MMP16: variants seen among roughly 807,000 people sequenced by gnomAD.
The protein encoded by MMP16 is matrix metalloproteinase-16.
MMP16 carries 12 observed loss-of-function variants against 67.8 expected under a neutral mutation model. The observed-to-expected ratio is 0.18, with a 90% CI of 0.11 to 0.29. The LOEUF is 0.29. Among genes scored for constraint, MMP16 ranks in the 10% least tolerant of loss-of-function variants. The pLI, the probability that MMP16 is intolerant of heterozygous loss-of-function variation, is 1.00. For synonymous variants in MMP16, 249 were observed against 255.9 expected (o/e 0.97, Z 0.26); for missense variants, 475 against 765.7 (o/e 0.62, Z 4.48).
Position 88,058,821 on chromosome 8 carries a change from T to C in MMP16, c.1223-2543A>G, listed in dbSNP as rs1184892111. On this transcript the variant is annotated intron_variant, in intron 7 of 9. Transcript: ENST00000286614. This position sits in a 1 kb window ranked among gnomAD's most constrained non-coding sequence, Gnocchi z 4.2. Reference sequence around the variant, plus strand: ...ACTTTATTCTAAATGAAATAGGAAGTCATTGAACAGTTAAATCAAAAAGTT... The same window carrying C: ...ACTTTATTCTAAATGAAATAGGAAGCCATTGAACAGTTAAATCAAAAAGTT... Among the ~76,000 whole-genome samples, 2 of 152,108 alleles carry C rather than the reference T, an allele frequency of 1.3e-5. No individual in the cohort carries two copies. Among genetic ancestry groups the C allele is most frequent in the African/African-American group, 4.8e-5 (2 of 41,450 alleles).
chr8:88,307,388 GTCC>G (rs1412822284), intron 1 of MMP16, among the ~76,000 whole-genome samples: 2 of 151,870 alleles, frequency 1.3e-5, no homozygotes. Context: ...AACAAATTTT[GTCC>G]TCCTATCATT....
At chr8:88,275,341 T>C (rs2129981565) in intron 1 of MMP16, among the ~76,000 whole-genome samples, 1 of 152,116 alleles carries the variant, frequency 6.6e-6, no homozygotes, top group Middle Eastern at 3.4e-3. Context: ...GGAATAAGCA[T>C]AAACAGTTAT....
intron 6 of MMP16, among the ~76,000 whole-genome samples, chr8:88,084,829 A>G (rs545073029): frequency 2.6e-4 from 40 of 152,124 alleles, no homozygotes; most frequent in African/African-American, 9.4e-4. Context: ...TTATTATGGA[A>G]TCTTTGTAAA....
At chr8:88,065,862 C>T (rs1432596083) in intron 7 of MMP16, among the ~76,000 whole-genome samples, 2 of 152,090 alleles carry the variant, frequency 1.3e-5, no homozygotes, top group Non-Finnish European at 2.9e-5. Context: ...CATTTCTTAA[C>T]AAACAGTTCT....
In MMP16 at chr8:88,056,240, G is replaced by C; in HGVS notation, c.1261C>G (p.Pro421Ala). The C allele has an allele frequency of 6.3e-7, 1 of 1,594,622 alleles. No homozygotes were observed. The highest frequency in any genetic ancestry group is 1.1e-5 in the South Asian group (1 of 88,382). ...YWVFKDTTLQ[P>A]GYPHDLITLG... ...GTTATCAAGTCATGAGGGTAACCAGGTTGAAGAGTTGTATCCTTGAACACC... is the reference window on the plus strand; with the variant it reads ...GTTATCAAGTCATGAGGGTAACCAGCTTGAAGAGTTGTATCCTTGAACACC... Residue 421 changes from proline (P) to alanine (A), a missense_variant, in exon 8 of 10, where the codon CCT (proline) becomes GCT (alanine). By Grantham distance (27) the Pro-to-Ala change is conservative. Around this residue, in one of 5 missense-constraint regions of MMP16, gnomAD observed 195 missense variants for 300.9 expected, o/e 0.65. Coordinates refer to ENST00000286614, the MANE Select transcript of MMP16 (RefSeq NM_005941.5).
intron 4 of MMP16, among the ~76,000 whole-genome samples, chr8:88,159,752 G>A (rs1237729375): frequency 6.6e-6 from 1 of 152,116 alleles, no homozygotes; most frequent in Admixed American, 6.6e-5. Context: ...CATTCAGTAT[G>A]AGGTTGGCTG....
intron 1 of MMP16, among the ~76,000 whole-genome samples, chr8:88,242,211 T>C (rs929339136): frequency 5.3e-5 from 8 of 152,222 alleles, no homozygotes; most frequent in Non-Finnish European, 1.2e-4. Flanking sequence ...CCTCCCTTAA[T>C]GGAGACGGGA....
intron 1 of MMP16, among the ~76,000 whole-genome samples, chr8:88,210,876 A>C (rs191898268): frequency 6.6e-6 from 1 of 152,302 alleles, no homozygotes; most frequent in Non-Finnish European, 1.5e-5. Flanking sequence ...CAAGAGCTTA[A>C]CATTTATTAA....
intron 1 of MMP16, among the ~76,000 whole-genome samples, chr8:88,248,123 C>G (rs1810148977): frequency 6.6e-6 from 1 of 151,988 alleles, no homozygotes; most frequent in African/African-American, 2.4e-5. Context: ...CATTAGCTGA[C>G]AGTCTGTCAT....
At chr8:88,096,108 A>C (rs1236849013) in intron 6 of MMP16, among the ~76,000 whole-genome samples, 1 of 151,942 alleles carries the variant, frequency 6.6e-6, no homozygotes, top group African/African-American at 2.4e-5. Flanking sequence ...TGAAAGAAGA[A>C]CGTTGTTTAT....
chr8:88,095,768 A>C (rs1586148695), intron 6 of MMP16, among the ~76,000 whole-genome samples: 1 of 151,986 alleles, frequency 6.6e-6, no homozygotes, highest in Admixed American at 6.6e-5. Context: ...AACCTCATCA[A>C]GTTATTTGCT....
At chr8:88,136,334 G>T (rs16878865) in intron 4 of MMP16, among the ~76,000 whole-genome samples, 10,597 of 151,832 alleles carry the variant, frequency 0.07, 398 homozygotes, top group East Asian at 0.16. Flanking sequence ...GCCATATTGT[G>T]TGGGTTCCCA....
intron 1 of MMP16, among the ~76,000 whole-genome samples, chr8:88,200,296 A>G (rs1362740035): frequency 1.3e-5 from 2 of 152,030 alleles, no homozygotes; most frequent in Admixed American, 1.3e-4. Flanking sequence ...TTTTGTGCTC[A>G]CTAGATTGAG....
intron 6 of MMP16, among the ~76,000 whole-genome samples, chr8:88,087,338 C>T (rs1454428493): frequency 6.6e-6 from 1 of 151,866 alleles, no homozygotes; most frequent in Non-Finnish European, 1.5e-5. Context: ...TTACTTTAAA[C>T]TATGCCTCCT....
intron 4 of MMP16, among the ~76,000 whole-genome samples, chr8:88,132,913 T>G (rs573740292): frequency 6.6e-6 from 1 of 151,882 alleles, no homozygotes; most frequent in Admixed American, 6.6e-5. Flanking sequence ...CATTGTAATA[T>G]GTATGCAAGG....
At chr8:88,119,093 C>A (rs941093886) in intron 4 of MMP16, among the ~76,000 whole-genome samples, 2 of 151,848 alleles carry the variant, frequency 1.3e-5, no homozygotes, top group East Asian at 3.9e-4. Context: ...GATTTAGAAT[C>A]CAAAAGGGAA....
At chr8:88,258,265 C>A (rs940313101) in intron 1 of MMP16, among the ~76,000 whole-genome samples, 2 of 152,130 alleles carry the variant, frequency 1.3e-5, no homozygotes, top group East Asian at 3.8e-4. Context: ...CCTTTTCTTG[C>A]CAGCCTTCAA....
intron 1 of MMP16, among the ~76,000 whole-genome samples, chr8:88,239,663 TATG>T (rs1423827339): frequency 6.6e-6 from 1 of 152,190 alleles, no homozygotes; most frequent in Admixed American, 6.5e-5. Flanking sequence ...CTAAGCGTCT[TATG>T]TTTTTTAAAT....
At chr8:88,300,461 T>C (rs10105759) in intron 1 of MMP16, among the ~76,000 whole-genome samples, 18,566 of 152,224 alleles carry the variant, frequency 0.12, 1,248 homozygotes, top group Non-Finnish European at 0.15. Context: ...AACGTATTCA[T>C]ACTGATGGCA....
Sources: gnomAD v4.1 joint callset for allele counts (sites outside exome capture counted in the v4.1 genomes callset) on GRCh38, gnomAD v4.1.1 for gene constraint, gnomAD v4.1.1 regional missense constraint, Gnocchi (gnomAD v3.1) non-coding constraint, MANE v1.5 for transcripts, NCBI Gene and HGNC (gene_info 2026-07-23, HGNC 2026-07-21) for gene names.